The following COMMD10 variants were observed in gnomAD, a reference collection of about 807,000 sequenced individuals.
The protein encoded by COMMD10 is COMM domain-containing protein 10.
COMMD10 carries 33 observed loss-of-function variants against 28.9 expected under a neutral mutation model. The ratio of observed to expected loss-of-function variants is 1.14; its 90% CI spans 0.87 to 1.53. The LOEUF (loss-of-function observed/expected upper bound fraction) is 1.53. Ranked by LOEUF, COMMD10 falls within the 40% of genes most tolerant of loss-of-function variation. The probability of loss-of-function intolerance (pLI) is 0.00; values close to 1 mark genes in which losing one functional copy is unlikely to be tolerated. For missense variants in COMMD10, 310 were observed against 233.4 expected (o/e 1.33, Z -2.14); for synonymous variants, 110 against 81.7 (o/e 1.35, Z -1.87).
chr5:116,280,298 T>A (rs982437070), intron 5 of COMMD10, among the ~76,000 whole-genome samples: 1 of 151,864 alleles, frequency 6.6e-6, no homozygotes, highest in Non-Finnish European at 1.5e-5. Context: ...AGTAGAAATT[T>A]ATTCATTCAC....
At chr5:116,176,692 C>T (rs749776053) in intron 5 of COMMD10, among the ~76,000 whole-genome samples, 39 of 151,992 alleles carry the variant, frequency 2.6e-4, no homozygotes, top group Non-Finnish European at 3.5e-4. Context: ...TTCATTTTCT[C>T]ATTTAATTAT....
At chr5:116,236,803 A>G (rs1235396139) in intron 5 of COMMD10, among the ~76,000 whole-genome samples, 1 of 152,080 alleles carries the variant, frequency 6.6e-6, no homozygotes, top group Non-Finnish European at 1.5e-5. Context: ...CCTAATGTAA[A>G]CTATGGACGT....
At chr5:116,134,591 C>T (rs906768611) in intron 5 of COMMD10, among the ~76,000 whole-genome samples, 32 of 152,070 alleles carry the variant, frequency 2.1e-4, no homozygotes, top group African/African-American at 7.7e-4. Context: ...AGTATGCCTG[C>T]ATGTGTTTAA....
At chr5:116,123,235 C>T (rs1580464207) in intron 4 of COMMD10, among the ~76,000 whole-genome samples, 1 of 151,966 alleles carries the variant, frequency 6.6e-6, no homozygotes, top group East Asian at 1.9e-4. Flanking sequence ...TCTAATACCT[C>T]TAATACCATC....
chr5:116,130,768 C>T (rs181831728), intron 4 of COMMD10, among the ~76,000 whole-genome samples: 1 of 151,946 alleles, frequency 6.6e-6, no homozygotes, highest in African/African-American at 2.4e-5. Context: ...GGTTTGCAGG[C>T]TAGCCTTTGT....
chr5:116,273,790 T>C (rs936016836), intron 5 of COMMD10, among the ~76,000 whole-genome samples: 2 of 151,722 alleles, frequency 1.3e-5, no homozygotes, highest in African/African-American at 2.4e-5. Flanking sequence ...AAATTTTTTA[T>C]TGACTTCATA....
At chr5:116,105,947 G>T (rs536934455) in intron 4 of COMMD10, among the ~76,000 whole-genome samples, 41 of 152,148 alleles carry the variant, frequency 2.7e-4, no homozygotes, top group African/African-American at 9.6e-4. Flanking sequence ...GACTTTTCAT[G>T]TCTCTATCTC....
chr5:116,145,232 G>T (rs1181788429), intron 5 of COMMD10, among the ~76,000 whole-genome samples: 5 of 151,820 alleles, frequency 3.3e-5, no homozygotes, highest in Non-Finnish European at 2.9e-5. Context: ...GGTATTTTAG[G>T]GTATTTTTAC....
rs150764368 is a variant in COMMD10 at position 116,261,129 on chromosome 5, G to T, written c.511-30388G>T. Among the ~76,000 whole-genome samples, 6 of 151,794 alleles carry T rather than the reference G, an allele frequency of 4.0e-5. No individual in the cohort carries two copies. In the East Asian group the frequency reaches 1.2e-3, roughly 29 times the overall value. On this transcript the variant is annotated intron_variant, in intron 5 of 6. Coordinates refer to ENST00000274458, the MANE Select transcript of COMMD10 (RefSeq NM_016144.4). Reference sequence around the variant, plus strand: ...AAAGTGCACCTGCATCCAAAACTGAGTAAAAACATATTTCAGGAAGAAAAC... The same window carrying T: ...AAAGTGCACCTGCATCCAAAACTGATTAAAAACATATTTCAGGAAGAAAAC...
At chr5:116,243,956 A>T (rs1442001762) in intron 5 of COMMD10, among the ~76,000 whole-genome samples, 1 of 152,180 alleles carries the variant, frequency 6.6e-6, no homozygotes, top group Non-Finnish European at 1.5e-5. Flanking sequence ...ATCTGAAATC[A>T]TTGAGTCAAT....
At chr5:116,198,967 A>G (rs1748596606) in intron 5 of COMMD10, among the ~76,000 whole-genome samples, 1 of 152,188 alleles carries the variant, frequency 6.6e-6, no homozygotes, top group Non-Finnish European at 1.5e-5. Flanking sequence ...CCTTTGGATA[A>G]ATACCAAGGA....
At chr5:116,219,990 G>C (rs1246399509) in intron 5 of COMMD10, among the ~76,000 whole-genome samples, 1 of 151,868 alleles carries the variant, frequency 6.6e-6, no homozygotes, top group East Asian at 1.9e-4. Context: ...TACTGTCTTT[G>C]TCAGGTTTGG....
intron 4 of COMMD10, among the ~76,000 whole-genome samples, chr5:116,094,738 C>G (rs1750414479): frequency 6.6e-6 from 1 of 152,130 alleles, no homozygotes; most frequent in South Asian, 2.1e-4. Flanking sequence ...TGTTGCAACA[C>G]TGTTCACAAT....
chr5:116,145,397 C>T (rs1752315553), intron 5 of COMMD10, among the ~76,000 whole-genome samples: 2 of 151,452 alleles, frequency 1.3e-5, no homozygotes, highest in African/African-American at 4.9e-5. Context: ...ATGCTTTTAT[C>T]TTTGCCGGGT....
chr5:116,256,830 C>T (rs1402479390), intron 5 of COMMD10, among the ~76,000 whole-genome samples: 1 of 151,666 alleles, frequency 6.6e-6, no homozygotes, highest in Admixed American at 6.6e-5. Flanking sequence ...GCAAAGGTAT[C>T]CCTGTCTCAG....
At chr5:116,254,365 T>C (rs1340282234) in intron 5 of COMMD10, among the ~76,000 whole-genome samples, 1 of 152,000 alleles carries the variant, frequency 6.6e-6, no homozygotes, top group Non-Finnish European at 1.5e-5. Context: ...GCCCTTGCTT[T>C]TCTAGTTCTT....
At chr5:116,178,926 T>G (rs529964779) in intron 5 of COMMD10, among the ~76,000 whole-genome samples, 49 of 152,262 alleles carry the variant, frequency 3.2e-4, no homozygotes, top group Non-Finnish European at 5.7e-4. Context: ...ATTAGATACA[T>G]GTTATTTAAT....
chr5:116,231,941 A>G (rs1373257365), intron 5 of COMMD10, among the ~76,000 whole-genome samples: 3 of 152,132 alleles, frequency 2.0e-5, no homozygotes, highest in Non-Finnish European at 4.4e-5. Context: ...TAAAACAACT[A>G]CTTCTGAACT....
At chr5:116,184,985 C>CAAGAA (rs1748091690) in intron 5 of COMMD10, among the ~76,000 whole-genome samples, 1 of 152,044 alleles carries the variant, frequency 6.6e-6, no homozygotes, top group Non-Finnish European at 1.5e-5. Context: ...AATAATATGA[C>CAAGAA]TTCCTGACAA....
Sources: allele counts gnomAD v4.1 joint callset (sites outside exome capture counted in the v4.1 genomes callset), GRCh38; gene constraint gnomAD v4.1.1; transcripts MANE v1.5; gene names NCBI Gene and HGNC (gene_info 2026-07-23, HGNC 2026-07-21).